The following SRGAP3 variants were observed in gnomAD, a reference collection of about 807,000 sequenced individuals.
SRGAP3 encodes the protein SLIT-ROBO Rho GTPase-activating protein 3.
A neutral mutation model predicts 121.1 loss-of-function variants in SRGAP3; 39 were observed. The ratio of observed to expected loss-of-function variants is 0.32; its 90% CI spans 0.25 to 0.42. The LOEUF is 0.42. Among genes scored for constraint, SRGAP3 ranks in the 10% least tolerant of loss-of-function variants. The probability of loss-of-function intolerance (pLI) is 1.00; values close to 1 mark genes in which losing one functional copy is unlikely to be tolerated. For synonymous variants in SRGAP3, 601 were observed against 570.0 expected, an observed-to-expected ratio of 1.05 and a Z score of -0.77; for missense variants, 1,213 against 1,470.6, an observed-to-expected ratio of 0.82 and a Z score of 2.86.
intron 3 of SRGAP3, among the ~76,000 whole-genome samples, chr3:9,306,349 C>T (rs887811750): frequency 1.6e-4 from 25 of 152,222 alleles, no homozygotes; most frequent in African/African-American, 5.1e-4. Flanking sequence ...AAAATTTTCT[C>T]CCATTCTGTA....
At chr3:9,225,413 C>T (rs1952952011) in intron 1 of SRGAP3, among the ~76,000 whole-genome samples, 2 of 152,108 alleles carry the variant, frequency 1.3e-5, no homozygotes, top group Admixed American at 6.5e-5. Flanking sequence ...CCAGAACAGG[C>T]CCACAGTGTG....
chr3:9,062,170 T>C (rs1293466589), intron 5 of SRGAP3, among the ~76,000 whole-genome samples: 1 of 152,160 alleles, frequency 6.6e-6, no homozygotes, highest in African/African-American at 2.4e-5. Flanking sequence ...TAGCCCTTCA[T>C]AGACTCATAA....
In SRGAP3 at chr3:9,334,195, A is replaced by G. The variant is rs143040088; in HGVS notation, n.215-3599T>C. The stretch of plus-strand genomic sequence containing the variant: ...TTCCTATGAATATATAATTATTTCA[A>G]AATAAAGTTTTTTTAAAAAAATTTA... On this transcript the variant is annotated intron_variant and non_coding_transcript_variant, in intron 1 of 3. Transcript: ENST00000490889. Among the ~76,000 whole-genome samples the G allele has an allele frequency of 5.1e-3, 779 of 152,282 alleles. 7 individuals are homozygous for G. Among genetic ancestry groups the G allele is most frequent in the Middle Eastern group, 0.027 (8 of 294 alleles).
At chr3:9,192,330 G>GT (rs1417696518) in intron 1 of SRGAP3, among the ~76,000 whole-genome samples, 1 of 152,214 alleles carries the variant, frequency 6.6e-6, no homozygotes, top group Non-Finnish European at 1.5e-5. Context: ...ATAAAGGCCT[G>GT]TTTTTGTTTA....
At chr3:9,283,087 C>G (rs913719350) in intron 3 of SRGAP3, among the ~76,000 whole-genome samples, 2 of 151,960 alleles carry the variant, frequency 1.3e-5, no homozygotes, top group Admixed American at 1.3e-4. Flanking sequence ...ATTAGAGGCA[C>G]CCGCCATTAT....
At position 8,990,772 on chromosome 3, in the gene SRGAP3, G is replaced by C. The variant is rs1942003382; in HGVS notation, c.2626C>G (p.Pro876Ala). ...RRSGGDTHSPPRGLGPSIDTP... is the reference protein window; with the variant it reads ...RRSGGDTHSPARGLGPSIDTP... ...TCTATGCTGGGGCCCAGGCCCCGGG[G>C]CGGGCTGTGTGTGTCGCCCCCGCTT... Residue 876 changes from proline to alanine, a missense_variant, in exon 21 of 22, where the codon CCC becomes GCC. Around this residue, in one of 2 missense-constraint regions of SRGAP3, gnomAD observed 420 missense variants for 437.7 expected, o/e 0.96. Transcript: ENST00000383836. The C allele has an allele frequency of 6.2e-7, 1 of 1,603,284 alleles. No homozygotes were observed. The highest frequency in any genetic ancestry group is 1.3e-5 in the African/African-American group (1 of 74,610).
intron 1 of SRGAP3, among the ~76,000 whole-genome samples, chr3:9,194,975 G>A (rs1175109706): frequency 6.6e-6 from 1 of 152,210 alleles, no homozygotes; most frequent in Non-Finnish European, 1.5e-5. Flanking sequence ...TATACCCAGT[G>A]CTGTGTTGGC....
chr3:9,009,520 T>C (rs1943251744), intron 18 of SRGAP3, among the ~76,000 whole-genome samples: 1 of 152,234 alleles, frequency 6.6e-6, no homozygotes, highest in South Asian at 2.1e-4. Context: ...GTGTTCATTT[T>C]TTTTCTGATT....
chr3:9,264,706 T>C (rs986174306), intron 3 of SRGAP3, among the ~76,000 whole-genome samples: 10 of 152,110 alleles, frequency 6.6e-5, no homozygotes, highest in Non-Finnish European at 1.3e-4. Context: ...AGAGCACTGC[T>C]CAAGGAAATA....
In SRGAP3 at chr3:9,013,573, G is replaced by C. The variant is rs895236356; in HGVS notation, c.1920-38C>G. On this transcript the variant is annotated intron_variant, in intron 16 of 21. Transcript: ENST00000383836. ...AGTTACCCACAAGTCATCTGGGAAA[G>C]GCAAGTCCTCCCCCTGTGTTTTTTT... 3 of 1,607,888 alleles carry C rather than the reference G, an allele frequency of 1.9e-6. No homozygotes were observed. The African/African-American group carries it at 4.0e-5, about 22-fold the overall frequency.
At chr3:8,999,193 G>A (rs984553818) in intron 18 of SRGAP3, among the ~76,000 whole-genome samples, 4 of 152,192 alleles carry the variant, frequency 2.6e-5, no homozygotes, top group Non-Finnish European at 5.9e-5. Flanking sequence ...TGTCTCAGTA[G>A]GGGCCTGGCT....
chr3:9,086,772 G>A (rs1283915446), intron 3 of SRGAP3, among the ~76,000 whole-genome samples: 1 of 145,756 alleles, frequency 6.9e-6, no homozygotes, highest in East Asian at 1.9e-4. Flanking sequence ...CATATAATAT[G>A]TATTTTATAT....
intron 3 of SRGAP3, among the ~76,000 whole-genome samples, chr3:9,305,653 T>C (rs542139875): frequency 2.4e-4 from 37 of 152,124 alleles, no homozygotes; most frequent in Middle Eastern, 3.4e-3. Context: ...AGTGAGAACA[T>C]GCAGTGTTTG....
At chr3:9,286,113 AACACACAC>A (rs34023408) in intron 3 of SRGAP3, among the ~76,000 whole-genome samples, 17,030 of 134,912 alleles carry the variant, frequency 0.13, 1,042 homozygotes, top group Non-Finnish European at 0.14. Context: ...CCCTATCTCA[AACACACAC>A]ACACACACAC....
At chr3:9,345,021 G>C (rs992767438) in intron 1 of SRGAP3, among the ~76,000 whole-genome samples, 2 of 151,768 alleles carry the variant, frequency 1.3e-5, no homozygotes, top group African/African-American at 4.8e-5. Context: ...TGGTGACAGA[G>C]CGAGACTCCG....
chr3:9,261,501 C>T (rs1019834434), intron 3 of SRGAP3, among the ~76,000 whole-genome samples: 3 of 151,984 alleles, frequency 2.0e-5, no homozygotes, highest in African/African-American at 7.2e-5. Flanking sequence ...TAGAAAAGAA[C>T]ATAAATGACC....
intron 3 of SRGAP3, among the ~76,000 whole-genome samples, chr3:9,279,149 A>G (rs943930723): frequency 2.0e-5 from 3 of 152,138 alleles, no homozygotes; most frequent in African/African-American, 7.2e-5. Flanking sequence ...CTAAACAACC[A>G]CAGAGAAAAA....
intron 1 of SRGAP3, among the ~76,000 whole-genome samples, chr3:9,168,186 G>A (rs562957899): frequency 5.3e-5 from 8 of 152,364 alleles, no homozygotes; most frequent in African/African-American, 1.9e-4. Context: ...CTAAAATGCA[G>A]TCTTGACTTA....
At chr3:9,129,918 C>T (rs1432567003) in intron 1 of SRGAP3, among the ~76,000 whole-genome samples, 1 of 151,954 alleles carries the variant, frequency 6.6e-6, no homozygotes, top group African/African-American at 2.4e-5. Flanking sequence ...CCGGCCACCA[C>T]ACCTGAATAA....
Sources: allele counts gnomAD v4.1 joint callset (sites outside exome capture counted in the v4.1 genomes callset), GRCh38; gene constraint gnomAD v4.1.1; regional missense constraint gnomAD v4.1.1; transcripts MANE v1.5; gene names NCBI Gene and HGNC (gene_info 2026-07-23, HGNC 2026-07-21).